TSPAN9: variants seen among roughly 807,000 people sequenced by gnomAD.
TSPAN9 encodes tetraspanin-9.
Under a neutral mutation model 31.0 loss-of-function variants are expected in TSPAN9, and 16 were observed. The observed-to-expected ratio is 0.52, with a 90% CI of 0.35 to 0.78. TSPAN9 has a LOEUF of 0.78. TSPAN9 is among the 30% of genes least tolerant of loss of function. The pLI is 0.01. For missense variants in TSPAN9, 272 were observed against 312.5 expected, an observed-to-expected ratio of 0.87 and a Z score of 0.98; for synonymous variants, 145 against 121.6, an observed-to-expected ratio of 1.19 and a Z score of -1.27.
intron 3 of TSPAN9, among the ~76,000 whole-genome samples, chr12:3,232,799 C>CT (rs1428040096): frequency 1.3e-5 from 2 of 152,236 alleles, no homozygotes; most frequent in Non-Finnish European, 1.5e-5. Context: ...TCCAGCCACT[C>CT]TCAGTGGGCA....
At position 3,086,024 on chromosome 12, in the gene TSPAN9, T is replaced by C. The variant is rs78777177; in HGVS notation, c.-18+2305T>C. Reference sequence around the variant, plus strand: ...TGCTGTTGATTTGGTTTAAACTCTCTTCTTCGTGCCCGTGCCTGAGGCAGT... The same window carrying C: ...TGCTGTTGATTTGGTTTAAACTCTCCTCTTCGTGCCCGTGCCTGAGGCAGT... On this transcript the variant is annotated intron_variant, in intron 2 of 8. Transcript: ENST00000011898. 3.2e-3 allele frequency among the ~76,000 whole-genome samples: 492 copies of C among 152,368 alleles called. 22 individuals are homozygous for C. In the East Asian group the frequency reaches 0.084, roughly 26 times the overall value.
At chr12:3,278,642 C>G in intron 4 of TSPAN9, 30 bp downstream of exon 4, 1 of 1,600,802 alleles carries the variant, frequency 6.2e-7, no homozygotes, top group Non-Finnish European at 8.5e-7. Flanking sequence ...CCAGCCCCTC[C>G]AACTCCTGAT....
chr12:3,257,470 G>C (rs1162660198), intron 3 of TSPAN9, among the ~76,000 whole-genome samples: 6 of 151,726 alleles, frequency 4.0e-5, no homozygotes, highest in African/African-American at 1.5e-4. Flanking sequence ...AGCCCCCGAC[G>C]AGCCATCCTC....
Position 3,263,147 on chromosome 12 carries a change from C to T in TSPAN9, c.64-15274C>T, listed in dbSNP as rs1451717952. Among the ~76,000 whole-genome samples, 3 of 152,254 alleles carry T rather than the reference C, an allele frequency of 2.0e-5. No individual in the cohort carries two copies. The East Asian group carries it at 5.8e-4, about 29-fold the overall frequency. On this transcript the variant is annotated intron_variant, in intron 3 of 8. Transcript: ENST00000011898. ...TGCCTGCTCACCTGTGAAATGGACTCATAGCAGTTGCCTTACCTGTCTCAT... is the reference window on the plus strand; with the variant it reads ...TGCCTGCTCACCTGTGAAATGGACTTATAGCAGTTGCCTTACCTGTCTCAT...
At chr12:3,253,575 C>A (rs1314705023) in intron 3 of TSPAN9, among the ~76,000 whole-genome samples, 1 of 152,210 alleles carries the variant, frequency 6.6e-6, no homozygotes, top group African/African-American at 2.4e-5. Flanking sequence ...TGCAGAACAT[C>A]CTTGTAGACA....
intron 2 of TSPAN9, 60 bp from the exon 3 acceptor site, chr12:3,201,117 C>A: frequency 2.1e-6 from 3 of 1,463,122 alleles, no homozygotes; most frequent in Non-Finnish European, 2.9e-6. Context: ...AAGTGCAATG[C>A]ACCCAAAGGC....
chr12:3,145,837 G>T (rs1272220818), intron 2 of TSPAN9, among the ~76,000 whole-genome samples: 1 of 152,234 alleles, frequency 6.6e-6, no homozygotes, highest in Non-Finnish European at 1.5e-5. Flanking sequence ...TGGCGTGGTG[G>T]CCAGCAAAAC....
At chr12:3,234,997 A>G (rs1435269676) in intron 3 of TSPAN9, among the ~76,000 whole-genome samples, 1 of 143,170 alleles carries the variant, frequency 7.0e-6, no homozygotes, top group African/African-American at 2.6e-5. Flanking sequence ...CATCTCTACT[A>G]AAAAAATACA....
chr12:3,113,604 G>A (rs2098320381), intron 2 of TSPAN9, among the ~76,000 whole-genome samples: 1 of 152,188 alleles, frequency 6.6e-6, no homozygotes, highest in African/African-American at 2.4e-5. Context: ...TAGGCTGCCT[G>A]GTGTGGGGTT....
chr12:3,194,952 G>T (rs1184625879), intron 2 of TSPAN9, among the ~76,000 whole-genome samples: 1 of 152,208 alleles, frequency 6.6e-6, no homozygotes, highest in Non-Finnish European at 1.5e-5. Context: ...AGCATTTTCT[G>T]TACTGTACAG....
intron 2 of TSPAN9, among the ~76,000 whole-genome samples, chr12:3,090,165 C>T (rs1036258925): frequency 1.2e-4 from 19 of 152,274 alleles, no homozygotes; most frequent in Middle Eastern, 3.4e-3. Context: ...CTGTTTTGCC[C>T]GTTCTTTAGG....
chr12:3,149,421 G>A (rs2098338833), intron 2 of TSPAN9, among the ~76,000 whole-genome samples: 1 of 152,202 alleles, frequency 6.6e-6, no homozygotes, highest in African/African-American at 2.4e-5. Context: ...CTGAAATTCA[G>A]CAGAGTCCTT....
At chr12:3,127,509 C>T (rs758977134) in intron 2 of TSPAN9, among the ~76,000 whole-genome samples, 7 of 151,898 alleles carry the variant, frequency 4.6e-5, no homozygotes, top group South Asian at 2.1e-4. Flanking sequence ...GCGCCTGCCA[C>T]GATGCCCGGC....
At chr12:3,125,231 T>C (rs1047419481) in intron 2 of TSPAN9, among the ~76,000 whole-genome samples, 6 of 152,080 alleles carry the variant, frequency 3.9e-5, no homozygotes, top group African/African-American at 9.7e-5. Flanking sequence ...TTTTATGTTA[T>C]GTACTTGCTA....
At chr12:3,108,979 A>G (rs1344835222) in intron 2 of TSPAN9, among the ~76,000 whole-genome samples, 1 of 151,336 alleles carries the variant, frequency 6.6e-6, no homozygotes, top group Non-Finnish European at 1.5e-5. Flanking sequence ...GCTCTTGCCC[A>G]GGCTGCAGTG....
intron 3 of TSPAN9, among the ~76,000 whole-genome samples, chr12:3,209,669 C>T (rs4766071): frequency 6.6e-6 from 1 of 151,178 alleles, no homozygotes; most frequent in African/African-American, 2.4e-5. Flanking sequence ...ATAAACGTTT[C>T]TAAGCGTGGG....
intron 3 of TSPAN9, among the ~76,000 whole-genome samples, chr12:3,218,877 C>T (rs2098382785): frequency 6.6e-6 from 1 of 152,186 alleles, no homozygotes; most frequent in Non-Finnish European, 1.5e-5. Context: ...CCTTTACCCC[C>T]CGGCAATCCA....
At chr12:3,245,883 T>C (rs1047867974) in intron 3 of TSPAN9, among the ~76,000 whole-genome samples, 1 of 151,010 alleles carries the variant, frequency 6.6e-6, no homozygotes, top group Non-Finnish European at 1.5e-5. Context: ...CCTTGCCTTC[T>C]GACTGTGGCG....
chr12:3,182,713 G>A (rs1027499976), intron 2 of TSPAN9, among the ~76,000 whole-genome samples: 8 of 152,212 alleles, frequency 5.3e-5, no homozygotes, highest in Admixed American at 1.3e-4. Flanking sequence ...GAGGCAGTGA[G>A]GGGGAGAAAG....
Sources: gnomAD v4.1 joint callset for allele counts (sites outside exome capture counted in the v4.1 genomes callset) on GRCh38, gnomAD v4.1.1 for gene constraint, MANE v1.5 for transcripts, NCBI Gene and HGNC (gene_info 2026-07-23, HGNC 2026-07-21) for gene names.